The following UBASH3A variants were observed in gnomAD, a reference collection of about 807,000 sequenced individuals.
UBASH3A encodes ubiquitin-associated and SH3 domain-containing protein A.
Under a neutral mutation model 73.5 loss-of-function variants are expected in UBASH3A, and 63 were observed. The observed-to-expected ratio is 0.86, with a 90% CI of 0.70 to 1.06. The LOEUF is 1.06. Among genes scored for constraint, UBASH3A ranks in the 50% least tolerant of loss-of-function variants. The pLI is 0.00. For missense variants in UBASH3A, 860 were observed against 859.0 expected, an observed-to-expected ratio of 1.00 and a Z score of -0.02; for synonymous variants, 363 against 351.1, an observed-to-expected ratio of 1.03 and a Z score of -0.38.
rs2053218528 is a variant in UBASH3A at position 42,416,664 on chromosome 21, G to GT, written c.837+54dup. 5 of 1,424,320 alleles carry GT rather than the reference G, an allele frequency of 3.5e-6. No homozygotes were observed. In the Middle Eastern group the frequency reaches 5.4e-4, roughly 155 times the overall value. The allele number at this position is 1,424,320 out of a possible 1,614,324, so 88.2% of individuals were successfully genotyped here. A position where few individuals can be genotyped will look rare whatever the true frequency, so the allele number is the denominator to read the frequency against. On this transcript the variant is annotated intron_variant, in intron 6 of 14. Coordinates refer to ENST00000319294, the MANE Select transcript of UBASH3A (RefSeq NM_018961.4). Reference sequence around the variant, plus strand: ...GAAGCAGATGAATGGGCTGGGCTCGGTGGCTCACGCCTGTAATCCCAGCAC... The same window carrying GT: ...GAAGCAGATGAATGGGCTGGGCTCGGTTGGCTCACGCCTGTAATCCCAGCAC...
chr21:42,410,207 G>A (rs1039928591), intron 3 of UBASH3A: 34 of 700,002 alleles, frequency 4.9e-5, no homozygotes, highest in Middle Eastern at 3.2e-4. Context: ...CAGGGGCACC[G>A]GGAAGACAAG....
chr21:42,410,107 C>G (rs763310078), intron 3 of UBASH3A: 1 of 702,476 alleles, frequency 1.4e-6, no homozygotes, highest in African/African-American at 1.7e-5. Context: ...GAACTTTTCC[C>G]TGTCTCAGGG....
chr21:42,421,052 CT>C (rs1568921572), intron 7 of UBASH3A, among the ~76,000 whole-genome samples: 1 of 152,242 alleles, frequency 6.6e-6, no homozygotes, highest in East Asian at 1.9e-4. Context: ...GTCGTTCAGT[CT>C]GGCCAAGTTG....
At chr21:42,405,988 G>GA (rs200473659) in intron 1 of UBASH3A, among the ~76,000 whole-genome samples, 1 of 147,732 alleles carries the variant, frequency 6.8e-6, no homozygotes, top group Non-Finnish European at 1.5e-5. Flanking sequence ...GGCAGTGGGG[G>GA]GGGGGGGGGC....
intron 11 of UBASH3A, among the ~76,000 whole-genome samples, chr21:42,441,682 TG>T (rs1433617078): frequency 2.3e-5 from 3 of 128,204 alleles, no homozygotes; most frequent in African/African-American, 5.9e-5. Flanking sequence ...AAGGAGGACT[TG>T]GGGGCCTGGT....
chr21:42,404,977 G>A (rs146299383), intron 1 of UBASH3A, among the ~76,000 whole-genome samples: 6,162 of 152,218 alleles, frequency 0.04, 171 homozygotes, highest in Middle Eastern at 0.082. Flanking sequence ...ATGGAAAAAT[G>A]TATCAGAAAC....
chr21:42,425,285 A>G (rs905543201), intron 7 of UBASH3A, among the ~76,000 whole-genome samples: 2 of 152,194 alleles, frequency 1.3e-5, no homozygotes, highest in African/African-American at 4.8e-5. Flanking sequence ...CATAATCTTG[A>G]TTGTATTTCA....
At chr21:42,440,318 T>G (rs542276723) in intron 11 of UBASH3A, among the ~76,000 whole-genome samples, 1 of 152,328 alleles carries the variant, frequency 6.6e-6, no homozygotes, top group Admixed American at 6.5e-5. Flanking sequence ...TGGGGACCCT[T>G]CAGTGTGAGG....
Position 42,418,534 on chromosome 21 carries a change from G to A in UBASH3A, c.971G>A (p.Arg324Gln), listed in dbSNP as rs13048049. The change falls in exon 7 of 15, where the codon CGG becomes CAG. Residue 324 changes from arginine (R) to glutamine (Q), a missense_variant. Physicochemically the swap from Arg to Gln is conservative, Grantham distance 43. Transcript: ENST00000319294. ...SEGWVIGISQ[R>Q]TGCRGFLPEN... Reference sequence around the variant, plus strand: ...GGCTGGGTGATTGGGATCTCACAGCGGACGGGCTGCCGGGGCTTCCTGCCG... The same window carrying A: ...GGCTGGGTGATTGGGATCTCACAGCAGACGGGCTGCCGGGGCTTCCTGCCG... 102,703 of 1,614,128 alleles carry A rather than the reference G, an allele frequency of 0.064. 3,897 individuals are homozygous for A. The highest frequency in any genetic ancestry group is 0.079 in the Non-Finnish European group (92,932 of 1,179,990).
At chr21:42,406,135 C>T (rs1244882564) in intron 1 of UBASH3A, among the ~76,000 whole-genome samples, 173 bp from the exon 2 acceptor site, 3 of 152,088 alleles carry the variant, frequency 2.0e-5, no homozygotes, top group East Asian at 1.9e-4. Context: ...TCCAAAACCA[C>T]GATGGCAGCA....
At chr21:42,431,718 A>T (rs12482396) in intron 8 of UBASH3A, among the ~76,000 whole-genome samples, 24,524 of 152,124 alleles carry the variant, frequency 0.16, 2,415 homozygotes, top group Middle Eastern at 0.24. Flanking sequence ...GACTAGATAT[A>T]TAGATAGGTA....
At chr21:42,422,572 A>G (rs1224037348) in intron 7 of UBASH3A, among the ~76,000 whole-genome samples, 1 of 152,240 alleles carries the variant, frequency 6.6e-6, no homozygotes, top group Admixed American at 6.5e-5. Flanking sequence ...GCTTTCAACT[A>G]TGACCTCAAC....
intron 8 of UBASH3A, 121 bp from the exon 9 acceptor site, chr21:42,431,982 T>A: frequency 1.6e-6 from 1 of 639,752 alleles, no homozygotes. Context: ...GCTGAGCTAT[T>A]GACTAACGAA....
At chr21:42,431,461 A>G (rs866262139) in intron 8 of UBASH3A, among the ~76,000 whole-genome samples, 1 of 152,372 alleles carries the variant, frequency 6.6e-6, no homozygotes, top group African/African-American at 2.4e-5. Flanking sequence ...GCTGCTGGCC[A>G]CCGCCAAGGC....
chr21:42,439,526 C>T (rs777559333), intron 11 of UBASH3A, among the ~76,000 whole-genome samples: 6 of 152,156 alleles, frequency 3.9e-5, no homozygotes, highest in South Asian at 4.1e-4. Flanking sequence ...AAAGGACTCG[C>T]GAATCCCCAA....
chr21:42,431,225 C>A (rs751954081), intron 8 of UBASH3A, among the ~76,000 whole-genome samples: 43 of 151,962 alleles, frequency 2.8e-4, no homozygotes, highest in Admixed American at 2.5e-3. Context: ...TGGCCTAGCC[C>A]CTGAGGACAG....
At chr21:42,424,917 G>A (rs2053407601) in intron 7 of UBASH3A, among the ~76,000 whole-genome samples, 1 of 152,150 alleles carries the variant, frequency 6.6e-6, no homozygotes, top group Admixed American at 6.5e-5. Flanking sequence ...GACAGCCTGT[G>A]AGGAAACGAG....
chr21:42,431,855 A>G (rs1019656779), intron 8 of UBASH3A, among the ~76,000 whole-genome samples: 2 of 152,254 alleles, frequency 1.3e-5, no homozygotes, highest in South Asian at 2.1e-4. Flanking sequence ...ATAGGGGCCA[A>G]TCCTGTCTCT....
intron 2 of UBASH3A, among the ~76,000 whole-genome samples, chr21:42,408,883 A>AAAAATAATATAAAATAATAAAATAAAAT (rs1555859555): frequency 8.7e-6 from 1 of 115,416 alleles, no homozygotes; most frequent in African/African-American, 3.5e-5. Context: ...ACTCCATCTC[A>AAAAATAATATAAAATAATAAAATAAAAT]AAAATAAAAT....
Sources: allele counts gnomAD v4.1 joint callset (sites outside exome capture counted in the v4.1 genomes callset), GRCh38; gene constraint gnomAD v4.1.1; transcripts MANE v1.5; gene names NCBI Gene and HGNC (gene_info 2026-07-23, HGNC 2026-07-21).